Variants in MTUS2 observed in about 807,000 individuals in gnomAD.
The protein encoded by MTUS2 is microtubule-associated tumor suppressor candidate 2.
Under a neutral mutation model 114.1 loss-of-function variants are expected in MTUS2, and 40 were observed. The observed-to-expected ratio is 0.35, with a 90% CI of 0.27 to 0.46. MTUS2 has a LOEUF of 0.46. MTUS2 is among the 20% of genes least tolerant of loss of function. The pLI is 1.00. For missense variants in MTUS2, 1,679 were observed against 1,705.4 expected (o/e 0.98, Z 0.27); for synonymous variants, 688 against 672.0 (o/e 1.02, Z -0.37).
rs59088470 is a variant in MTUS2 at position 29,361,385 on chromosome 13, T to C, written c.3117+1912T>C. On this transcript the variant is annotated intron_variant, in intron 8 of 15. Transcript: ENST00000612955. ...TTTCACCTCCCACACAATGTATTTT[T>C]TTCTCTGTCTTTCTGATCTCTACGC... Among the ~76,000 whole-genome samples the C allele has an allele frequency of 4.7e-3, 714 of 152,362 alleles. 6 individuals are homozygous for C. The highest frequency in any genetic ancestry group is 0.016 in the African/African-American group (668 of 41,578).
intron 8 of MTUS2, among the ~76,000 whole-genome samples, chr13:29,387,670 G>A (rs1440295646): frequency 6.6e-6 from 1 of 152,158 alleles, no homozygotes; most frequent in African/African-American, 2.4e-5. Flanking sequence ...AGCGAGGCGG[G>A]TGACGTTAGG....
intron 5 of MTUS2, among the ~76,000 whole-genome samples, chr13:29,233,411 A>G (rs1348319444): frequency 2.6e-5 from 4 of 152,140 alleles, no homozygotes; most frequent in Admixed American, 2.6e-4. Flanking sequence ...AAGTGTACCC[A>G]CCGTGAAGTC....
chr13:28,921,126 A>G (rs1194129626), intron 2 of MTUS2, among the ~76,000 whole-genome samples: 1 of 152,214 alleles, frequency 6.6e-6, no homozygotes, highest in Admixed American at 6.5e-5. Flanking sequence ...GTCTTAAACC[A>G]TAGCTCCCAC....
At chr13:28,900,441 A>G (rs190586367) in intron 2 of MTUS2, among the ~76,000 whole-genome samples, 114 of 152,070 alleles carry the variant, frequency 7.5e-4, no homozygotes, top group African/African-American at 2.5e-3. Context: ...TGTTCCCCCA[A>G]CCTGCTCTCT....
At chr13:29,063,533 T>C (rs1020974262) in intron 4 of MTUS2, among the ~76,000 whole-genome samples, 5 of 152,236 alleles carry the variant, frequency 3.3e-5, no homozygotes, top group Non-Finnish European at 5.9e-5. Context: ...AGTTTTGTTA[T>C]GAATTCTGCT....
chr13:29,174,219 G>A (rs151109933), intron 5 of MTUS2, among the ~76,000 whole-genome samples: 10 of 152,174 alleles, frequency 6.6e-5, no homozygotes, highest in South Asian at 2.1e-4. Context: ...TTTATTTTGC[G>A]TAAGGTGGCA....
At chr13:29,053,524 C>G (rs934666475) in intron 4 of MTUS2, among the ~76,000 whole-genome samples, 1 of 152,172 alleles carries the variant, frequency 6.6e-6, no homozygotes, top group African/African-American at 2.4e-5. Context: ...TAAGACCTTT[C>G]CATAATCCCC....
At chr13:29,438,132 A>G (rs1055044666) in intron 8 of MTUS2, among the ~76,000 whole-genome samples, 14 of 152,214 alleles carry the variant, frequency 9.2e-5, no homozygotes, top group African/African-American at 3.4e-4. Flanking sequence ...ACTACATCAC[A>G]TACATTAATT....
intron 5 of MTUS2, among the ~76,000 whole-genome samples, chr13:29,234,967 A>G (rs932528406): frequency 2.0e-5 from 3 of 152,218 alleles, no homozygotes; most frequent in Non-Finnish European, 2.9e-5. Flanking sequence ...AAACTAATCA[A>G]GCTGTCAGTT....
intron 2 of MTUS2, among the ~76,000 whole-genome samples, chr13:28,911,845 GTTTTTTTT>G (rs202187530): frequency 9.6e-6 from 1 of 103,828 alleles, no homozygotes; most frequent in African/African-American, 3.8e-5. Flanking sequence ...ACTTTTTAAT[GTTTTTTTT>G]TTTTTTTTTT....
At chr13:29,408,317 T>TA (rs549729525) in intron 8 of MTUS2, among the ~76,000 whole-genome samples, 13 of 151,824 alleles carry the variant, frequency 8.6e-5, no homozygotes, top group South Asian at 2.1e-4. Flanking sequence ...ATTTCAGGTT[T>TA]AAAAAAAAAT....
chr13:29,334,195 G>T (rs1339950608), intron 7 of MTUS2, among the ~76,000 whole-genome samples: 1 of 152,036 alleles, frequency 6.6e-6, no homozygotes, highest in Non-Finnish European at 1.5e-5. Context: ...GGGGCATTTA[G>T]CCCGTTTACA....
At chr13:29,276,762 G>T (rs1381990191) in intron 5 of MTUS2, among the ~76,000 whole-genome samples, 1 of 152,138 alleles carries the variant, frequency 6.6e-6, no homozygotes, top group African/African-American at 2.4e-5. Context: ...GCCAGCCATG[G>T]TGGTGGGCGC....
chr13:29,461,658 A>G (rs924721807), intron 9 of MTUS2, among the ~76,000 whole-genome samples: 1 of 151,946 alleles, frequency 6.6e-6, no homozygotes, highest in African/African-American at 2.4e-5. Flanking sequence ...AGTTCTCCAG[A>G]ATATCAGGCA....
chr13:29,196,150 G>A (rs1190298587), intron 5 of MTUS2, among the ~76,000 whole-genome samples: 1 of 150,800 alleles, frequency 6.6e-6, no homozygotes, highest in African/African-American at 2.4e-5. Flanking sequence ...AGGTGGGAGT[G>A]CAGTGGCGCG....
chr13:28,856,753 A>G (rs935732758), intron 2 of MTUS2, among the ~76,000 whole-genome samples: 4 of 152,044 alleles, frequency 2.6e-5, no homozygotes, highest in Non-Finnish European at 5.9e-5. Context: ...AAAAATGACT[A>G]CTTTTCATTG....
intron 5 of MTUS2, among the ~76,000 whole-genome samples, chr13:29,107,995 G>C (rs1665575714): frequency 6.6e-6 from 1 of 152,210 alleles, no homozygotes; most frequent in Non-Finnish European, 1.5e-5. Flanking sequence ...CAATGAAAAT[G>C]AGGGTTAATA....
intron 15 of MTUS2, among the ~76,000 whole-genome samples, chr13:29,501,629 T>C (rs905827652): frequency 6.6e-6 from 1 of 152,188 alleles, no homozygotes; most frequent in South Asian, 2.1e-4. Flanking sequence ...AGGAAGGGTG[T>C]TCAGGCTCCT....
intron 2 of MTUS2, among the ~76,000 whole-genome samples, chr13:28,889,613 A>G (rs1878797219): frequency 6.6e-6 from 1 of 152,136 alleles, no homozygotes; most frequent in South Asian, 2.1e-4. Flanking sequence ...TTTATGACGC[A>G]TGCTGAAATA....
Sources: allele counts gnomAD v4.1 joint callset (sites outside exome capture counted in the v4.1 genomes callset), GRCh38; gene constraint gnomAD v4.1.1; transcripts MANE v1.5; gene names NCBI Gene and HGNC (gene_info 2026-07-23, HGNC 2026-07-21).